The following LRRC7 variants were observed in gnomAD, a reference collection of about 807,000 sequenced individuals.
LRRC7 encodes the protein leucine-rich repeat-containing protein 7.
Under a neutral mutation model 175.7 loss-of-function variants are expected in LRRC7, and 23 were observed. That is an observed-to-expected ratio of 0.13 (90% CI 0.09 to 0.19). The LOEUF is 0.19. Among genes scored for constraint, LRRC7 ranks in the 10% least tolerant of loss-of-function variants. LRRC7 has a pLI of 1.00. For missense variants in LRRC7, 1,354 were observed against 1,904.7 expected, an observed-to-expected ratio of 0.71 and a Z score of 5.38; for synonymous variants, 685 against 680.9, an observed-to-expected ratio of 1.01 and a Z score of -0.09.
At chr1:69,762,269 C>A (rs1671120340) in intron 3 of LRRC7, among the ~76,000 whole-genome samples, 1 of 151,912 alleles carries the variant, frequency 6.6e-6, no homozygotes, top group South Asian at 2.1e-4. Context: ...TATTTAATAT[C>A]CATTCTACTA....
chr1:69,616,318 T>C (rs1024705222), intron 1 of LRRC7, among the ~76,000 whole-genome samples: 5 of 152,014 alleles, frequency 3.3e-5, no homozygotes, highest in African/African-American at 1.2e-4. Flanking sequence ...CATTTGAAAA[T>C]GATTAATGGA....
At chr1:69,788,282 C>T (rs956198099) in intron 3 of LRRC7, among the ~76,000 whole-genome samples, 23 of 152,234 alleles carry the variant, frequency 1.5e-4, no homozygotes, top group African/African-American at 5.3e-4. Flanking sequence ...TCTTGTTATT[C>T]TGGAATTCAA....
At chr1:69,998,179 A>G (rs1655186984) in intron 11 of LRRC7, among the ~76,000 whole-genome samples, 1 of 152,176 alleles carries the variant, frequency 6.6e-6, no homozygotes. Flanking sequence ...CACATATTTA[A>G]AGTCTACAAT....
chr1:70,023,770 A>T (rs1657776981), intron 17 of LRRC7, among the ~76,000 whole-genome samples: 2 of 152,186 alleles, frequency 1.3e-5, no homozygotes, highest in South Asian at 4.1e-4. Flanking sequence ...GGGGAGATTA[A>T]ATAGCTAAAA....
chr1:69,953,799 C>T (rs1357023528), intron 8 of LRRC7, among the ~76,000 whole-genome samples: 1 of 152,040 alleles, frequency 6.6e-6, no homozygotes, highest in Non-Finnish European at 1.5e-5. Context: ...TTACCATCAA[C>T]ACTTGTTACA....
intron 2 of LRRC7, among the ~76,000 whole-genome samples, chr1:69,746,027 T>C (rs754373084): frequency 6.6e-6 from 1 of 151,942 alleles, no homozygotes; most frequent in Non-Finnish European, 1.5e-5. Flanking sequence ...AGTGTACAAA[T>C]ACTCATTAGT....
chr1:69,850,979 T>G (rs1010365257), intron 7 of LRRC7, among the ~76,000 whole-genome samples: 1 of 152,096 alleles, frequency 6.6e-6, no homozygotes, highest in African/African-American at 2.4e-5. Flanking sequence ...GCTTGAAACA[T>G]TTATAGTTTG....
chr1:69,610,132 G>A (rs529495463), intron 1 of LRRC7, among the ~76,000 whole-genome samples: 1 of 151,870 alleles, frequency 6.6e-6, no homozygotes, highest in African/African-American at 2.4e-5. Flanking sequence ...ACTCTATAAT[G>A]GGTTCTTGTC....
chr1:69,764,058 G>A (rs1391435272), intron 3 of LRRC7, among the ~76,000 whole-genome samples: 1 of 151,854 alleles, frequency 6.6e-6, no homozygotes, highest in Admixed American at 6.6e-5. Context: ...TGTCAGAAAA[G>A]ATACAATAAT....
At chr1:69,997,797 T>G (rs1453906743) in intron 11 of LRRC7, among the ~76,000 whole-genome samples, 20 of 151,436 alleles carry the variant, frequency 1.3e-4, no homozygotes, top group South Asian at 4.2e-4. Flanking sequence ...GCTGGATTCG[T>G]TTTGCCAGTA....
chr1:69,798,445 C>T (rs1317342463), intron 4 of LRRC7, among the ~76,000 whole-genome samples: 1 of 152,098 alleles, frequency 6.6e-6, no homozygotes, highest in African/African-American at 2.4e-5. Flanking sequence ...CCCCTCTGTA[C>T]TAATACACCC....
intron 8 of LRRC7, among the ~76,000 whole-genome samples, chr1:69,974,192 T>G (rs193044315): frequency 6.6e-6 from 1 of 152,232 alleles, no homozygotes; most frequent in Non-Finnish European, 1.5e-5. Flanking sequence ...CATAAAAATA[T>G]AGATAATTCA....
At chr1:69,753,229 C>A (rs1208444701) in intron 2 of LRRC7, among the ~76,000 whole-genome samples, 1 of 151,670 alleles carries the variant, frequency 6.6e-6, no homozygotes, top group Non-Finnish European at 1.5e-5. Context: ...TCCTTTCCTG[C>A]TACTTCCTCA....
At chr1:69,726,743 G>C (rs1222155499) in intron 2 of LRRC7, among the ~76,000 whole-genome samples, 1 of 151,742 alleles carries the variant, frequency 6.6e-6, no homozygotes, top group African/African-American at 2.4e-5. Context: ...ATTTGAAAAT[G>C]TAAGAGGGCC....
rs538798123 is a variant in LRRC7, at chr1:69,634,280, C to T, written c.3-44101C>T. On this transcript the variant is annotated intron_variant, in intron 1 of 26. Coordinates refer to ENST00000651989, the MANE Select transcript of LRRC7 (RefSeq NM_001370785.2). Reference sequence around the variant, plus strand: ...AACGTGAAAGAGCCATGAAGTGTTCCTAAGTAGTCTGGCTCTAGAGCTTGC... The same window carrying T: ...AACGTGAAAGAGCCATGAAGTGTTCTTAAGTAGTCTGGCTCTAGAGCTTGC... Among the ~76,000 whole-genome samples, 17 of 152,070 alleles carry T rather than the reference C, an allele frequency of 1.1e-4. No individual in the cohort carries two copies. The South Asian group carries it at 2.3e-3, about 20-fold the overall frequency.
At chr1:69,592,065 C>T (rs533715388) in intron 1 of LRRC7, among the ~76,000 whole-genome samples, 4 of 151,960 alleles carry the variant, frequency 2.6e-5, no homozygotes, top group Admixed American at 6.6e-5. Flanking sequence ...AGAATAAAGG[C>T]AATTACATTA....
chr1:69,656,348 G>C (rs1165631623), intron 1 of LRRC7, among the ~76,000 whole-genome samples: 1 of 151,852 alleles, frequency 6.6e-6, no homozygotes, highest in Non-Finnish European at 1.5e-5. Context: ...ATAATAATAA[G>C]CTATGTAATA....
At chr1:69,596,278 A>G (rs1324860930) in intron 1 of LRRC7, among the ~76,000 whole-genome samples, 2 of 152,204 alleles carry the variant, frequency 1.3e-5, no homozygotes, top group Non-Finnish European at 2.9e-5. Context: ...AGATAACTTG[A>G]TCAAGGTCAC....
At chr1:69,681,204 A>C (rs552068481) in intron 2 of LRRC7, among the ~76,000 whole-genome samples, 174 of 152,180 alleles carry the variant, frequency 1.1e-3, no homozygotes, top group Non-Finnish European at 1.6e-3. Context: ...TTTTTCTGTG[A>C]TTCTACAGAT....
Sources: gnomAD v4.1 joint callset for allele counts (sites outside exome capture counted in the v4.1 genomes callset) on GRCh38, gnomAD v4.1.1 for gene constraint, MANE v1.5 for transcripts, NCBI Gene and HGNC (gene_info 2026-07-23, HGNC 2026-07-21) for gene names.